The following SLC4A8 variants were observed in gnomAD, a reference collection of about 807,000 sequenced individuals.
SLC4A8 encodes electroneutral sodium bicarbonate exchanger 1.
In SLC4A8, 40 loss-of-function variants were observed where a neutral mutation model predicts 125.0. That is an observed-to-expected ratio of 0.32 (90% confidence interval 0.25 to 0.42). The LOEUF (loss-of-function observed/expected upper bound fraction) is 0.42. Ranked by LOEUF, SLC4A8 falls within the 10% of genes least tolerant of loss-of-function variation. SLC4A8 has a pLI of 1.00. For missense variants in SLC4A8, 863 were observed against 1,355.1 expected (o/e 0.64, Z 5.70); for synonymous variants, 456 against 476.0 (o/e 0.96, Z 0.55).
chr12:51,417,577 G>C (rs2137991379), intron 1 of SLC4A8, among the ~76,000 whole-genome samples: 1 of 151,488 alleles, frequency 6.6e-6, no homozygotes, highest in Non-Finnish European at 1.5e-5. Context: ...GTGTGCAGTG[G>C]GGCGATCTTG....
rs563489709 is a variant in SLC4A8 at position 51,451,429 on chromosome 12, T to A, written c.277+407T>A. On this transcript the variant is annotated intron_variant, in intron 3 of 24. Transcript: ENST00000453097. ...CGGCCACTGTTTTTAAATTTTAAAA[T>A]ATACAATTAAATTGTTATTTACTAT... Among the ~76,000 whole-genome samples, 96 of 152,328 alleles carry A rather than the reference T, an allele frequency of 6.3e-4. No homozygotes were observed. In the Middle Eastern group the frequency reaches 0.014, roughly 22 times the overall value.
chr12:51,483,740 CTTTTT>C (rs200986889), intron 16 of SLC4A8, among the ~76,000 whole-genome samples: 1 of 148,276 alleles, frequency 6.7e-6, no homozygotes, highest in Non-Finnish European at 1.5e-5. Context: ...AACAGGGATT[CTTTTT>C]TTTTTAATTA....
intron 1 of SLC4A8, among the ~76,000 whole-genome samples, chr12:51,430,987 A>G (rs184235422): frequency 4.7e-4 from 71 of 152,374 alleles, no homozygotes; most frequent in African/African-American, 1.6e-3. Context: ...GAAATCTGAT[A>G]CAGGTCTCAC....
intron 19 of SLC4A8, among the ~76,000 whole-genome samples, chr12:51,490,512 G>A (rs556319058): frequency 6.9e-6 from 1 of 144,536 alleles, no homozygotes; most frequent in Non-Finnish European, 1.5e-5. Flanking sequence ...GCAGTGAGCC[G>A]AGATCATGCC....
chr12:51,474,463 G>T lies in SLC4A8; in HGVS notation c.2010+16G>T. ...GACTGTCAGTGTAAGTCTGGGAGCT[G>T]CCAGATGTCCTAGCATTGTGACCAC... On this transcript the variant is annotated intron_variant, in intron 15 of 24. Coordinates refer to ENST00000453097, the MANE Select transcript of SLC4A8 (RefSeq NM_001039960.3). The T allele has an allele frequency of 6.2e-7, 1 of 1,610,692 alleles. No homozygotes were observed. The highest frequency in any genetic ancestry group is 8.5e-7 in the Non-Finnish European group (1 of 1,177,934).
At chr12:51,392,869 G>A (rs1948174752) in intron 1 of SLC4A8, 1 of 152,248 alleles carries the variant, frequency 6.6e-6, no homozygotes. Context: ...CTTAGCAACA[G>A]AGAAGGAGCG....
At chr12:51,438,780 C>A (rs1454217246) in intron 1 of SLC4A8, among the ~76,000 whole-genome samples, 1 of 152,126 alleles carries the variant, frequency 6.6e-6, no homozygotes, top group Admixed American at 6.5e-5. Context: ...CATATCCTTG[C>A]CAGCATTTGT....
At chr12:51,429,613 C>G (rs529921209) in intron 1 of SLC4A8, among the ~76,000 whole-genome samples, 25 of 152,226 alleles carry the variant, frequency 1.6e-4, no homozygotes, top group African/African-American at 5.3e-4. Context: ...AGTGATCCTT[C>G]CACTTCAGCC....
chr12:51,514,239 A>G lies in SLC4A8; in HGVS notation c.*6801A>G, dbSNP rs1397842338. ...CTTGAACTTCTCAGGTTTCCAAGCC[A>G]CATCCTAGCAGGGCATCCAGGAGCC... On this transcript the variant is annotated 3_prime_UTR_variant, in exon 25 of 25. Coordinates refer to ENST00000453097, the MANE Select transcript of SLC4A8 (RefSeq NM_001039960.3). The G allele has an allele frequency of 6.5e-6, 1 of 152,674 alleles. No individual in the cohort carries two copies. Among genetic ancestry groups the G allele is most frequent in the Non-Finnish European group, 1.5e-5 (1 of 68,058 alleles). 9.5% of individuals were successfully genotyped at this position (152,674 alleles called of 1,614,324 possible). A position where few individuals can be genotyped will look rare whatever the true frequency, so the allele number is the denominator to read the frequency against.
intron 2 of SLC4A8, 63 bp downstream of exon 2, chr12:51,440,852 C>T: frequency 7.3e-7 from 1 of 1,377,272 alleles, no homozygotes; most frequent in Non-Finnish European, 1.0e-6. Context: ...GTGGGAAGAC[C>T]TGGCTCTGTG....
Position 51,462,467 on chromosome 12 carries a change from C to T in SLC4A8, c.1248+11C>T, listed in dbSNP as rs779229719. ...AATGTCCCTTCCCAGGTAATGTATGCACATCAGCCAATGTGGCTATTGTCA... is the reference window on the plus strand; with the variant it reads ...AATGTCCCTTCCCAGGTAATGTATGTACATCAGCCAATGTGGCTATTGTCA... On this transcript the variant is annotated intron_variant, in intron 10 of 24. Transcript: ENST00000453097. The T allele has an allele frequency of 1.1e-5, 17 of 1,544,916 alleles. No homozygotes were observed. In the East Asian group the frequency reaches 3.9e-4, roughly 35 times the overall value.
intron 10 of SLC4A8, 175 bp downstream of exon 10, chr12:51,462,631 A>G: frequency 2.1e-6 from 1 of 467,932 alleles, no homozygotes; most frequent in Non-Finnish European, 3.6e-6. Context: ...GGTGGCTCAC[A>G]CCTGTAATCT....
chr12:51,445,758 A>AT (rs1240185122), intron 2 of SLC4A8, among the ~76,000 whole-genome samples: 2 of 151,918 alleles, frequency 1.3e-5, no homozygotes, highest in Non-Finnish European at 1.5e-5. Context: ...TCCCTTCTCC[A>AT]TCCTACCCCT....
intron 16 of SLC4A8, among the ~76,000 whole-genome samples, chr12:51,482,041 T>C (rs931072963): frequency 4.6e-4 from 70 of 152,176 alleles, no homozygotes; most frequent in African/African-American, 1.6e-3. Flanking sequence ...GATTTCCCAC[T>C]CAGTAAATCA....
intron 23 of SLC4A8, among the ~76,000 whole-genome samples, chr12:51,504,427 A>G (rs1427917339): frequency 6.6e-6 from 1 of 152,258 alleles, no homozygotes; most frequent in Non-Finnish European, 1.5e-5. Flanking sequence ...ACCTGTACTC[A>G]TATGAATATC....
chr12:51,448,214 G>A (rs1949845636), intron 2 of SLC4A8, among the ~76,000 whole-genome samples: 1 of 152,180 alleles, frequency 6.6e-6, no homozygotes, highest in African/African-American at 2.4e-5. Context: ...TTTGTTTGCA[G>A]GGTTAATTTA....
intron 1 of SLC4A8, among the ~76,000 whole-genome samples, chr12:51,402,841 C>G (rs73095142): frequency 0.12 from 18,075 of 152,198 alleles, 1,175 homozygotes; most frequent in South Asian, 0.15. Context: ...CAGTGATGGG[C>G]AAAGACGGGT....
Position 51,474,208 on chromosome 12 carries a change from T to C in SLC4A8, c.1905-134T>C, listed in dbSNP as rs929222234. On this transcript the variant is annotated intron_variant, in intron 14 of 24. Coordinates refer to ENST00000453097, the MANE Select transcript of SLC4A8 (RefSeq NM_001039960.3). The stretch of plus-strand genomic sequence containing the variant: ...ATGTGATGGGGCCTACAGAGGGGCC[T>C]CAGCTCCTCAGGTCTGAAGTATGCA... 5.6e-6 allele frequency: 3 copies of C among 534,976 alleles called. No homozygotes were observed. In the Admixed American group the frequency reaches 9.0e-5, roughly 16 times the overall value. 33.1% of individuals were successfully genotyped at this position (534,976 alleles called of 1,614,324 possible). A position where few individuals can be genotyped will look rare whatever the true frequency, so the allele number is the denominator to read the frequency against.
At chr12:51,416,211 GTTTTTTTTT>G (rs57565585) in intron 1 of SLC4A8, among the ~76,000 whole-genome samples, 2 of 82,536 alleles carry the variant, frequency 2.4e-5, no homozygotes, top group Admixed American at 2.7e-4. Flanking sequence ...GAGGTCTTTT[GTTTTTTTTT>G]TTTTTTTTTT....
Sources: gnomAD v4.1 joint callset for allele counts (sites outside exome capture counted in the v4.1 genomes callset) on GRCh38, gnomAD v4.1.1 for gene constraint, MANE v1.5 for transcripts, NCBI Gene and HGNC (gene_info 2026-07-23, HGNC 2026-07-21) for gene names.